The following CCDC197 variants were observed in gnomAD, a reference collection of about 807,000 sequenced individuals.
The protein encoded by CCDC197 is uncharacterized protein CCDC197.
A neutral mutation model predicts 13.4 loss-of-function variants in CCDC197; 24 were observed. That is an observed-to-expected ratio of 1.80 (90% CI 1.30 to 2.53). The LOEUF is 2.53. Among genes scored for constraint, CCDC197 ranks in the 30% most tolerant of loss-of-function variants. CCDC197 has a pLI of 0.00. For synonymous variants in CCDC197, 99 were observed against 55.5 expected, an observed-to-expected ratio of 1.78 and a Z score of -3.48; for missense variants, 255 against 148.8, an observed-to-expected ratio of 1.71 and a Z score of -3.71.
intron 6 of CCDC197, among the ~76,000 whole-genome samples, chr14:94,005,307 C>A (rs544777379): frequency 4.1e-4 from 62 of 152,332 alleles, no homozygotes; most frequent in African/African-American, 1.5e-3. Flanking sequence ...TGCACACCCA[C>A]ACATGAGACA....
chr14:94,010,610 G>A (rs1890792666), downstream of CCDC197, among the ~76,000 whole-genome samples: 1 of 152,232 alleles, frequency 6.6e-6, no homozygotes, highest in African/African-American at 2.4e-5. Flanking sequence ...GTTTGAGTGG[G>A]ATCTCAGAAG....
At chr14:94,001,945 G>T (rs10132476) in intron 4 of CCDC197, among the ~76,000 whole-genome samples, 60,121 of 152,010 alleles carry the variant, frequency 0.4, 12,915 homozygotes, top group East Asian at 0.93. Flanking sequence ...CGTAGTTTTG[G>T]AGAGAGCATC....
rs933277424 is a variant in CCDC197, at chr14:93,998,065, G to A, written c.-67G>A. 38 of 769,276 alleles carry A rather than the reference G, an allele frequency of 4.9e-5. No homozygotes were observed. The highest frequency in any genetic ancestry group is 1.1e-4 in the South Asian group (8 of 73,344). 47.7% of individuals were successfully genotyped at this position (769,276 alleles called of 1,614,324 possible). ...GCTGCGGCTGTGACTGTCCCTTTTC[G>A]GTCTGTCTTCATCCTGCCTGACTCA... On this transcript the variant is annotated 5_prime_UTR_variant, in exon 2 of 7. Transcript: ENST00000636493.
At chr14:94,008,947 C>T (rs1890762741), downstream of CCDC197, 2 of 588,150 alleles carry the variant, frequency 3.4e-6, no homozygotes, top group Non-Finnish European at 6.1e-6. Context: ...GTCCTGGGCT[C>T]AGCTAGGGTT....
At position 94,001,284 on chromosome 14, in the gene CCDC197, C is replaced by G. The variant is rs757321739; in HGVS notation, c.327C>G (p.Ser109Arg). Residue 109 changes from serine (S) to arginine (R), a missense_variant, in exon 4 of 7, where the codon AGC (serine) becomes AGG (arginine). By Grantham distance (110) the Ser-to-Arg change is moderately radical (BLOSUM62 -1). Coordinates refer to ENST00000636493, the MANE Select transcript of CCDC197 (RefSeq NM_001351596.2). The part of the protein sequence containing the change: ...FCQMIQAVHR[S>R]LESLEEDHRA... ...AGATGATCCAGGCTGTCCACCGGAG[C>G]CTGGAGTCTCTGGAGGAGGACCACA... The G allele has an allele frequency of 1.3e-6, 1 of 780,388 alleles. No individual in the cohort carries two copies. The highest frequency in any genetic ancestry group is 2.3e-4 in the Middle Eastern group (1 of 4,438). The allele number at this position is 780,388 out of a possible 1,614,324, so 48.3% of individuals were successfully genotyped here.
chr14:94,007,529 T>C (rs1333803769), intron 6 of CCDC197: 1 of 152,254 alleles, frequency 6.6e-6, no homozygotes, highest in African/African-American at 2.4e-5. Flanking sequence ...ACTGTGGCTT[T>C]GTAATAAATA....
chr14:94,008,885 A>G, downstream of CCDC197: 1 of 650,314 alleles, frequency 1.5e-6, no homozygotes, highest in Non-Finnish European at 2.8e-6. Flanking sequence ...CTCACCACCA[A>G]CATCTCTAAG....
chr14:93,999,742 G>A, intron 3 of CCDC197, 77 bp downstream of exon 3: 1 of 760,970 alleles, frequency 1.3e-6, no homozygotes, highest in African/African-American at 1.7e-5. Context: ...CACCGTGTGT[G>A]GCCTCATGGA....
At chr14:93,999,477 G>A (rs1201089363) in intron 2 of CCDC197, 106 bp from the exon 3 acceptor site, 1 of 729,428 alleles carries the variant, frequency 1.4e-6, no homozygotes, top group Non-Finnish European at 2.5e-6. Context: ...GGCCGGCCCA[G>A]TGCACGTCCA....
In CCDC197 at chr14:94,003,456, GACAC is replaced by G. The variant is rs555529767; in HGVS notation, c.498+112_498+115del. On this transcript the variant is annotated intron_variant, in intron 5 of 6. Coordinates refer to ENST00000636493, the MANE Select transcript of CCDC197 (RefSeq NM_001351596.2). The surrounding 1 kb of genome is among the most constrained non-coding windows in gnomAD (Gnocchi z 5.0). The stretch of plus-strand genomic sequence containing the variant: ...AAACACACAGACACATACGCACGCA[GACAC>G]ACACACACAGAGCCAGACACATAGA... 2 of 627,418 alleles carry G rather than the reference GACAC, an allele frequency of 3.2e-6. No individual in the cohort carries two copies. Among genetic ancestry groups the G allele is most frequent in the Non-Finnish European group, 5.8e-6 (2 of 342,830 alleles). The allele number at this position is 627,418 out of a possible 1,614,324, so 38.9% of individuals were successfully genotyped here.
intron 1 of CCDC197, among the ~76,000 whole-genome samples, chr14:93,987,878 T>C (rs1890126728): frequency 7.2e-6 from 1 of 139,752 alleles, no homozygotes; most frequent in South Asian, 2.2e-4. Flanking sequence ...TGTCAGCTCC[T>C]GGAATATAGA....
chr14:94,002,351 T>C (rs1162087119), intron 4 of CCDC197, among the ~76,000 whole-genome samples: 1 of 151,716 alleles, frequency 6.6e-6, no homozygotes, highest in Non-Finnish European at 1.5e-5. Flanking sequence ...TACAGTGGAG[T>C]GATCTCGGCT....
At chr14:93,991,387 T>C (rs1890208423) in intron 1 of CCDC197, among the ~76,000 whole-genome samples, 1 of 152,118 alleles carries the variant, frequency 6.6e-6, no homozygotes, top group Non-Finnish European at 1.5e-5. Context: ...ACATAGGCAA[T>C]GTTGTTGTCC....
intron 2 of CCDC197, among the ~76,000 whole-genome samples, chr14:93,998,820 G>A (rs988002067): frequency 7.2e-5 from 11 of 152,314 alleles, no homozygotes; most frequent in African/African-American, 2.6e-4. Flanking sequence ...GCACTTTTCA[G>A]AATCATACGG....
At chr14:94,002,978 G>A (rs1890571026) in intron 4 of CCDC197, among the ~76,000 whole-genome samples, 1 of 152,118 alleles carries the variant, frequency 6.6e-6, no homozygotes. Context: ...CTTACCTGGT[G>A]GCAGGCAAGA....
At chr14:93,993,312 G>A (rs1294536175), upstream of CCDC197, among the ~76,000 whole-genome samples, 1 of 152,322 alleles carries the variant, frequency 6.6e-6, no homozygotes, top group East Asian at 1.9e-4. Flanking sequence ...AAAAGTTTCC[G>A]CTTTTCCCTG....
chr14:93,987,673 G>A (rs1890122379), intron 1 of CCDC197, among the ~76,000 whole-genome samples: 1 of 152,162 alleles, frequency 6.6e-6, no homozygotes. Flanking sequence ...GCAGCCCCAG[G>A]TCCTCACCTG....
chr14:93,995,849 C>T (rs985327717), upstream of CCDC197, among the ~76,000 whole-genome samples: 3 of 152,132 alleles, frequency 2.0e-5, no homozygotes, highest in Non-Finnish European at 4.4e-5. Context: ...CAGAGTAGCC[C>T]GGACAGTCTC....
At chr14:93,999,536 C>A (rs544867211) in intron 2 of CCDC197, 47 bp from the exon 3 acceptor site, 1 of 778,248 alleles carries the variant, frequency 1.3e-6, no homozygotes, top group South Asian at 1.3e-5. Flanking sequence ...GGGGGTCCTG[C>A]GTGACCTGGG....
Sources: gnomAD v4.1 joint callset for allele counts (sites outside exome capture counted in the v4.1 genomes callset) on GRCh38, gnomAD v4.1.1 for gene constraint, Gnocchi (gnomAD v3.1) non-coding constraint, MANE v1.5 for transcripts, NCBI Gene and HGNC (gene_info 2026-07-23, HGNC 2026-07-21) for gene names.